The following COL22A1 variants were observed in gnomAD, a reference collection of about 807,000 sequenced individuals.
COL22A1 encodes the protein collagen type XXII alpha 1 chain, also known as collagen alpha-1(XXII) chain.
A neutral mutation model predicts 248.9 loss-of-function variants in COL22A1; 221 were observed. That is an observed-to-expected ratio of 0.89 (90% CI 0.80 to 0.99). The LOEUF (loss-of-function observed/expected upper bound fraction) is 0.99. COL22A1 is among the 50% of genes least tolerant of loss of function. COL22A1 has a pLI of 0.00. For missense variants in COL22A1, 2,240 were observed against 2,179.0 expected (o/e 1.03, Z -0.56); for synonymous variants, 891 against 793.4 (o/e 1.12, Z -2.07).
At chr8:138,801,748 A>G (rs1220994862) in intron 11 of COL22A1, among the ~76,000 whole-genome samples, 1 of 152,162 alleles carries the variant, frequency 6.6e-6, no homozygotes, top group Non-Finnish European at 1.5e-5. Context: ...GCATGGTGGC[A>G]CACACACAGT....
At chr8:138,894,117 A>G (rs1360895474) in intron 1 of COL22A1, among the ~76,000 whole-genome samples, 1 of 152,232 alleles carries the variant, frequency 6.6e-6, no homozygotes, top group Non-Finnish European at 1.5e-5. Context: ...GTAGGAATTC[A>G]TGGGGAGGAA....
At chr8:138,832,733 C>A (rs1187490048) in intron 5 of COL22A1, among the ~76,000 whole-genome samples, 1 of 152,044 alleles carries the variant, frequency 6.6e-6, no homozygotes, top group Non-Finnish European at 1.5e-5. Flanking sequence ...TAAACCATAC[C>A]CGTTTGTTAT....
chr8:138,723,686 A>T (rs1004075429), intron 25 of COL22A1, among the ~76,000 whole-genome samples: 1 of 152,184 alleles, frequency 6.6e-6, no homozygotes, highest in Non-Finnish European at 1.5e-5. Context: ...TGATGGTGCC[A>T]TTCAGCCAGT....
Position 138,616,940 on chromosome 8 carries a change from CTG to C in COL22A1, c.3842_3843del (p.Thr1281ArgfsTer29), listed in dbSNP as rs1168711252. On this transcript the variant is annotated frameshift_variant, in exon 54 of 65. Transcript: ENST00000303045. LOFTEE classifies it high-confidence loss of function. ...CGGGGACCGGGTGCACCAGAATCGCCTGTGTGTCCCTTGAAGCCCTAGAAGGA... is the reference window on the plus strand; with the variant it reads ...CGGGGACCGGGTGCACCAGAATCGCCTGTGTCCCTTGAAGCCCTAGAAGGA... ...ARGPPGFKGH[T>X]GDSGAPGPRG... The C allele has an allele frequency of 6.2e-7, 1 of 1,614,080 alleles. No homozygotes were observed. The highest frequency in any genetic ancestry group is 8.5e-7 in the Non-Finnish European group (1 of 1,180,048).
intron 35 of COL22A1, 98 bp downstream of exon 35, chr8:138,693,548 T>C (rs1048514790): frequency 3.9e-6 from 5 of 1,297,022 alleles, no homozygotes; most frequent in Non-Finnish European, 4.4e-6. Context: ...CACGTCCTCC[T>C]AGCTAGCCCA....
chr8:138,691,153 T>C (rs1292957769), intron 35 of COL22A1, among the ~76,000 whole-genome samples: 1 of 152,150 alleles, frequency 6.6e-6, no homozygotes. Flanking sequence ...TGGAGGAGCC[T>C]GGGTGTGGGC....
intron 3 of COL22A1, among the ~76,000 whole-genome samples, chr8:138,869,978 T>C (rs1823196413): frequency 6.6e-6 from 1 of 152,116 alleles, no homozygotes; most frequent in South Asian, 2.1e-4. Context: ...GTAGTGTATA[T>C]ATGTGTGTGG....
intron 37 of COL22A1, among the ~76,000 whole-genome samples, chr8:138,688,635 C>G (rs887177521): frequency 1.3e-5 from 2 of 152,076 alleles, no homozygotes; most frequent in Non-Finnish European, 2.9e-5. Context: ...TCAGACAGAC[C>G]TAGCTCTGTA....
intron 50 of COL22A1, among the ~76,000 whole-genome samples, chr8:138,629,127 T>C (rs965500098): frequency 1.3e-5 from 2 of 151,568 alleles, no homozygotes; most frequent in African/African-American, 4.9e-5. Flanking sequence ...CCACATCTTA[T>C]TCTCTTCAGG....
In COL22A1 at chr8:138,593,330, C is replaced by T. The variant is rs139822266; in HGVS notation, c.4615+687G>A. Among the ~76,000 whole-genome samples the T allele has an allele frequency of 8.2e-3, 1,242 of 152,108 alleles. 19 individuals carry two copies. Among genetic ancestry groups the T allele is most frequent in the African/African-American group, 0.029 (1,189 of 41,462 alleles). On this transcript the variant is annotated intron_variant, in intron 63 of 64. Coordinates refer to ENST00000303045, the MANE Select transcript of COL22A1 (RefSeq NM_152888.3). ...AGCAAACCACCATGGCACATATATA[C>T]CTATGTATCAAACCTGCACGTTCAG...
intron 37 of COL22A1, among the ~76,000 whole-genome samples, chr8:138,686,682 A>G (rs967813391): frequency 1.3e-5 from 2 of 152,130 alleles, no homozygotes; most frequent in African/African-American, 2.4e-5. Flanking sequence ...AAGGAAAGGC[A>G]TTTGGCTCCC....
chr8:138,866,819 G>T (rs1822930196), intron 3 of COL22A1, among the ~76,000 whole-genome samples: 1 of 81,260 alleles, frequency 1.2e-5, no homozygotes, highest in Non-Finnish European at 3.2e-5. Context: ...TCTAAAAATG[G>T]GAGGCAGGGG....
intron 2 of COL22A1, among the ~76,000 whole-genome samples, chr8:138,878,547 TAG>T (rs1823931011): frequency 2.0e-5 from 3 of 152,124 alleles, no homozygotes; most frequent in African/African-American, 7.2e-5. Flanking sequence ...CAACTGACAG[TAG>T]GTAGCATCAC....
intron 7 of COL22A1, among the ~76,000 whole-genome samples, chr8:138,819,707 A>G (rs1400816578): frequency 6.8e-6 from 1 of 146,828 alleles, no homozygotes; most frequent in Non-Finnish European, 1.5e-5. Context: ...TGTTTATATA[A>G]TGTTTATATA....
chr8:138,841,302 G>C (rs1374665630), intron 4 of COL22A1, among the ~76,000 whole-genome samples: 1 of 152,216 alleles, frequency 6.6e-6, no homozygotes, highest in Non-Finnish European at 1.5e-5. Context: ...CTCTCAAACA[G>C]CTCATATGCT....
rs1343413761 is a variant in COL22A1, at chr8:138,833,098, C to T, written c.786G>A (p.Glu262=). ...GTACATAGGAACTCTGAGCTCCATT[C>T]TCTCTCTTCCCCAAGATTTCCTTCA... is the stretch of plus-strand genomic sequence containing the variant. The part of the protein sequence containing the change: ...FSVKEILGKR[E]NGAQSSYVRM... The change falls in exon 5 of 65, where the codon GAG becomes GAA. Residue 262 remains glutamate, a synonymous_variant. Transcript: ENST00000303045. 1 of 1,613,964 alleles carries T rather than the reference C, an allele frequency of 6.2e-7. No homozygotes were observed. Among genetic ancestry groups the T allele is most frequent in the East Asian group, 2.2e-5 (1 of 44,886 alleles).
intron 7 of COL22A1, among the ~76,000 whole-genome samples, chr8:138,816,125 G>A (rs1013017465): frequency 1.3e-5 from 2 of 152,074 alleles, no homozygotes; most frequent in East Asian, 1.9e-4. Context: ...AAACATACTC[G>A]CAGCAGCTGG....
At chr8:138,872,613 G>C (rs1289381611) in intron 3 of COL22A1, among the ~76,000 whole-genome samples, 2 of 152,216 alleles carry the variant, frequency 1.3e-5, no homozygotes, top group Admixed American at 1.3e-4. Flanking sequence ...AATTATAGCT[G>C]ATGCTCCGGG....
At chr8:138,788,820 C>A (rs1259373101) in intron 12 of COL22A1, among the ~76,000 whole-genome samples, 1 of 152,220 alleles carries the variant, frequency 6.6e-6, no homozygotes, top group Non-Finnish European at 1.5e-5. Flanking sequence ...CATAAGTCAT[C>A]TATTTTCATT....
Sources: allele counts gnomAD v4.1 joint callset (sites outside exome capture counted in the v4.1 genomes callset), GRCh38; gene constraint gnomAD v4.1.1; transcripts MANE v1.5; gene names NCBI Gene and HGNC (gene_info 2026-07-23, HGNC 2026-07-21).